Variants in DENND2A observed in about 807,000 individuals in gnomAD.
DENND2A encodes DENN domain containing 2A.
DENND2A carries 53 observed loss-of-function variants against 105.3 expected under a neutral mutation model. That is an observed-to-expected ratio of 0.50 (90% confidence interval 0.40 to 0.63). The LOEUF (loss-of-function observed/expected upper bound fraction) is 0.63. Ranked by LOEUF, DENND2A falls within the 30% of genes least tolerant of loss-of-function variation. The pLI is 0.00. For missense variants in DENND2A, 1,138 were observed against 1,279.6 expected, an observed-to-expected ratio of 0.89 and a Z score of 1.69; for synonymous variants, 522 against 508.4, an observed-to-expected ratio of 1.03 and a Z score of -0.36.
chr7:140,604,350 A>AT (rs989634364), intron 2 of DENND2A, among the ~76,000 whole-genome samples: 14 of 152,352 alleles, frequency 9.2e-5, no homozygotes, highest in African/African-American at 3.4e-4. Flanking sequence ...ACGCAAACAC[A>AT]TTTTTTTGGC....
At chr7:140,604,597 G>GA (rs1799626697) in intron 2 of DENND2A, among the ~76,000 whole-genome samples, 1 of 152,250 alleles carries the variant, frequency 6.6e-6, no homozygotes, top group Admixed American at 6.5e-5. Context: ...AAGATGAAGA[G>GA]AGAGGACAGA....
At chr7:140,535,348 T>G (rs1404790846) in intron 14 of DENND2A, among the ~76,000 whole-genome samples, 2 of 152,112 alleles carry the variant, frequency 1.3e-5, no homozygotes, top group Non-Finnish European at 2.9e-5. Flanking sequence ...GGAGTCACCA[T>G]GCAGTGGCTC....
upstream of DENND2A, chr7:140,641,356 A>G (rs1454758351): frequency 6.6e-6 from 1 of 152,640 alleles, no homozygotes; most frequent in East Asian, 1.9e-4. Flanking sequence ...GTGGTCAGGA[A>G]AAGCTTCCAA....
intron 3 of DENND2A, among the ~76,000 whole-genome samples, chr7:140,593,167 A>T (rs192700682): frequency 6.6e-5 from 10 of 152,348 alleles, no homozygotes; most frequent in African/African-American, 2.4e-4. Context: ...TCTCTAATTT[A>T]AACATTTTCA....
Position 140,567,271 on chromosome 7 carries a change from G to A in DENND2A, c.1594C>T (p.His532Tyr), listed in dbSNP as rs774313413. ...TTCACGTTGACCAGGCGCTGGCTGT[G>A]AGCTGGGTGAGGGAGGGAGAGAGAA... The part of the protein sequence containing the change: ...DSDTEEKLKA[H>Y]SQRLVNVKSR... The change falls in exon 9 of 20, where the codon CAC becomes TAC. Residue 532 changes from histidine (H) to tyrosine (Y), a missense_variant and splice_region_variant. Physicochemically the swap from His to Tyr is moderately conservative, Grantham distance 83 (BLOSUM62 2). Coordinates refer to ENST00000496613, the MANE Select transcript of DENND2A (RefSeq NM_015689.5). The A allele has an allele frequency of 6.2e-7, 1 of 1,604,422 alleles. No homozygotes were observed. The highest frequency in any genetic ancestry group is 8.5e-7 in the Non-Finnish European group (1 of 1,175,734).
chr7:140,522,507 T>A (rs1795897554), intron 17 of DENND2A, among the ~76,000 whole-genome samples: 1 of 151,624 alleles, frequency 6.6e-6, no homozygotes, highest in Non-Finnish European at 1.5e-5. Flanking sequence ...AGAGATGGGG[T>A]TTCACCATGT....
intron 5 of DENND2A, 111 bp downstream of exon 5, chr7:140,585,478 G>A: frequency 6.8e-7 from 1 of 1,460,618 alleles, no homozygotes; most frequent in Non-Finnish European, 9.4e-7. Flanking sequence ...CAGGAGCCCG[G>A]CAGGGCAGGT....
intron 1 of DENND2A, among the ~76,000 whole-genome samples, chr7:140,607,049 G>A (rs917628181): frequency 2.0e-5 from 3 of 152,194 alleles, no homozygotes; most frequent in Non-Finnish European, 4.4e-5. Context: ...CCCTAGTGGA[G>A]AGGAGCCACC....
intron 1 of DENND2A, among the ~76,000 whole-genome samples, chr7:140,628,989 A>G (rs1202978859): frequency 6.6e-6 from 1 of 152,094 alleles, no homozygotes; most frequent in Admixed American, 6.6e-5. Context: ...AGCTAGAGAT[A>G]AAAGATATAA....
intron 14 of DENND2A, among the ~76,000 whole-genome samples, chr7:140,528,927 T>A (rs6980049): frequency 0.19 from 28,172 of 151,660 alleles, 4,787 homozygotes; most frequent in African/African-American, 0.46. Flanking sequence ...AACATGGTGA[T>A]ACCTCATCTC....
chr7:140,590,163 G>A (rs919545791), intron 3 of DENND2A, among the ~76,000 whole-genome samples: 4 of 152,162 alleles, frequency 2.6e-5, no homozygotes, highest in Non-Finnish European at 5.9e-5. Flanking sequence ...GCCGAGGCGG[G>A]CGGATCACTT....
chr7:140,546,849 G>A lies in DENND2A; in HGVS notation c.2128C>T (p.Leu710=), dbSNP rs367621201. Residue 710 remains leucine (L), a synonymous_variant, in exon 13 of 20, where the codon CTG becomes TTG. Coordinates refer to ENST00000496613, the MANE Select transcript of DENND2A (RefSeq NM_015689.5). ...TTCTTGACAAGGATGGTTTTGCCCA[G>A]GGCTGGGAAAGGGGCTTCCATGACA... The part of the protein sequence containing the change: ...RSVMEAPFPA[L]GKTILVKNFL... The A allele has an allele frequency of 4.5e-5, 73 of 1,614,076 alleles. No homozygotes were observed. Among genetic ancestry groups the A allele is most frequent in the Non-Finnish European group, 5.9e-5 (70 of 1,180,034 alleles).
chr7:140,621,582 C>T (rs1004226908), intron 1 of DENND2A, among the ~76,000 whole-genome samples: 3 of 152,012 alleles, frequency 2.0e-5, no homozygotes, highest in African/African-American at 4.8e-5. Flanking sequence ...TCCTCGGATG[C>T]GGAACTCACA....
intron 15 of DENND2A, among the ~76,000 whole-genome samples, chr7:140,526,756 C>T (rs2130466284): frequency 6.6e-6 from 1 of 152,250 alleles, no homozygotes; most frequent in Admixed American, 6.5e-5. Context: ...AGGCGTTCCT[C>T]CTGGAGCTTC....
chr7:140,626,530 G>A (rs1001333426), intron 1 of DENND2A, among the ~76,000 whole-genome samples: 7 of 152,172 alleles, frequency 4.6e-5, no homozygotes, highest in African/African-American at 1.7e-4. Context: ...CACTTGAATG[G>A]AATGCACCCG....
chr7:140,540,078 G>A (rs1796605717), intron 14 of DENND2A, among the ~76,000 whole-genome samples: 1 of 152,250 alleles, frequency 6.6e-6, no homozygotes, highest in Admixed American at 6.5e-5. Flanking sequence ...CTCCCTGAGT[G>A]ATGGCGGAGG....
intron 1 of DENND2A, among the ~76,000 whole-genome samples, chr7:140,628,207 C>A (rs1395100124): frequency 6.6e-6 from 1 of 152,216 alleles, no homozygotes; most frequent in Non-Finnish European, 1.5e-5. Context: ...AACTACTCTC[C>A]AACATACAAG....
At chr7:140,548,661 TG>T (rs1374019563) in intron 12 of DENND2A, among the ~76,000 whole-genome samples, 5 of 151,602 alleles carry the variant, frequency 3.3e-5, no homozygotes, top group African/African-American at 2.4e-5. Flanking sequence ...TTGCCCAGGC[TG>T]GGGTGCAGTG....
intron 12 of DENND2A, among the ~76,000 whole-genome samples, chr7:140,548,818 G>A (rs901653643): frequency 6.6e-6 from 1 of 151,274 alleles, no homozygotes; most frequent in African/African-American, 2.4e-5. Flanking sequence ...TCTCCATGTT[G>A]GTTAGGCTGG....
Sources: gnomAD v4.1 joint callset for allele counts (sites outside exome capture counted in the v4.1 genomes callset) on GRCh38, gnomAD v4.1.1 for gene constraint, MANE v1.5 for transcripts, NCBI Gene and HGNC (gene_info 2026-07-23, HGNC 2026-07-21) for gene names.